The following HNRNPUL2 variants were observed in gnomAD, a reference collection of about 807,000 sequenced individuals.
The protein encoded by HNRNPUL2 is heterogeneous nuclear ribonucleoprotein U-like protein 2.
A neutral mutation model predicts 102.2 loss-of-function variants in HNRNPUL2; 27 were observed. The ratio of observed to expected loss-of-function variants is 0.26; its 90% CI spans 0.19 to 0.36. The LOEUF (loss-of-function observed/expected upper bound fraction) is 0.36. Among genes scored for constraint, HNRNPUL2 ranks in the 10% least tolerant of loss-of-function variants. HNRNPUL2 has a pLI of 1.00. For synonymous variants in HNRNPUL2, 458 were observed against 387.2 expected (o/e 1.18, Z -2.15); for missense variants, 936 against 981.1 (o/e 0.95, Z 0.61).
intron 10 of HNRNPUL2, among the ~76,000 whole-genome samples, chr11:62,719,000 G>T (rs2134772788): frequency 6.6e-6 from 1 of 151,866 alleles, no homozygotes; most frequent in East Asian, 2.0e-4. Flanking sequence ...AATTTTTTTT[G>T]TATTTTTAGT....
At chr11:62,724,556 T>A in intron 1 of HNRNPUL2, 130 bp from the exon 2 acceptor site, 1 of 951,582 alleles carries the variant, frequency 1.1e-6, no homozygotes, top group Admixed American at 2.5e-5. Context: ...CCCACTACAT[T>A]CACATAACAT....
chr11:62,723,815 T>C, intron 3 of HNRNPUL2, 89 bp from the exon 4 acceptor site: 14 of 1,600,986 alleles, frequency 8.7e-6, no homozygotes, highest in Non-Finnish European at 1.2e-5. Context: ...TTGTAGTGGA[T>C]ACAAAGTCTC....
intron 1 of HNRNPUL2, 118 bp from the exon 2 acceptor site, chr11:62,724,544 T>G (rs1296867350): frequency 9.6e-7 from 1 of 1,044,456 alleles, no homozygotes; most frequent in African/African-American, 1.6e-5. Flanking sequence ...AGCCAGGTTA[T>G]TCCCACTACA....
At position 62,722,797 on chromosome 11, in the gene HNRNPUL2, A is replaced by G; in HGVS notation, c.982+16T>C. 1 of 1,613,158 alleles carries G rather than the reference A, an allele frequency of 6.2e-7. No homozygotes were observed. Among genetic ancestry groups the G allele is most frequent in the Non-Finnish European group, 8.5e-7 (1 of 1,179,084 alleles). On this transcript the variant is annotated intron_variant, in intron 5 of 13. Coordinates refer to ENST00000301785, the MANE Select transcript of HNRNPUL2 (RefSeq NM_001079559.3). ...GGTAGTAAACACTAATGAGGAACTT[A>G]AAGAAATAACTTTACCAAGCTGTGG... is the stretch of plus-strand genomic sequence containing the variant.
intron 10 of HNRNPUL2, among the ~76,000 whole-genome samples, chr11:62,718,334 G>A (rs1018626896): frequency 2.0e-5 from 3 of 151,978 alleles, no homozygotes; most frequent in South Asian, 2.1e-4. Context: ...CAAACATAAC[G>A]TGATACCAGA....
chr11:62,723,478 C>A, intron 4 of HNRNPUL2, 109 bp downstream of exon 4: 1 of 1,217,514 alleles, frequency 8.2e-7, no homozygotes, highest in Non-Finnish European at 1.1e-6. Context: ...GTAACAAGAG[C>A]GAAACTCCAT....
chr11:62,712,983 A>C lies in HNRNPUL2; in HGVS notation c.*2316T>G, dbSNP rs2134762463. ...TTTCCCCCTTAACATAGTTTTTCAT[A>C]ATAAAAAGACAGAAACAAAACCCGG... On this transcript the variant is annotated 3_prime_UTR_variant, in exon 14 of 14. Coordinates refer to ENST00000301785, the MANE Select transcript of HNRNPUL2 (RefSeq NM_001079559.3). The C allele has an allele frequency of 6.6e-6, 1 of 152,368 alleles. No individual in the cohort carries two copies. Among genetic ancestry groups the C allele is most frequent in the South Asian group, 2.1e-4 (1 of 4,834 alleles). The allele number at this position is 152,368 out of a possible 1,614,324, so 9.4% of individuals were successfully genotyped here.
chr11:62,724,460 T>G, intron 1 of HNRNPUL2, 34 bp from the exon 2 acceptor site: 1 of 1,613,864 alleles, frequency 6.2e-7, no homozygotes, highest in Non-Finnish European at 8.5e-7. Flanking sequence ...TCAGCAGTTT[T>G]CATACTGGAG....
rs200198970 is a variant in HNRNPUL2, at chr11:62,716,991, T to C, written c.1979A>G (p.Tyr660Cys). ...GCTGGCAGGTCCCCAAGACTCACCA[T>C]AGCCTTGGCCCCGGCTTCGGTTCTG... ...NRQNRSRGQG[Y>C]VGGQRRGYDN... is the part of the protein sequence containing the mutation. The change falls in exon 11 of 14, where the codon TAT becomes TGT. Residue 660 changes from tyrosine to cysteine, a missense_variant and splice_region_variant. Around this residue, in one of 2 missense-constraint regions of HNRNPUL2, gnomAD observed 609 missense variants for 713.0 expected, o/e 0.85. Transcript: ENST00000301785. The C allele has an allele frequency of 3.0e-5, 48 of 1,612,646 alleles. No homozygotes were observed. The highest frequency in any genetic ancestry group is 2.7e-4 in the East Asian group (12 of 44,880).
chr11:62,723,982 G>A lies in HNRNPUL2; in HGVS notation c.683C>T (p.Ser228Phe). 1 of 1,613,194 alleles carries A rather than the reference G, an allele frequency of 6.2e-7. No individual in the cohort carries two copies. Among genetic ancestry groups the A allele is most frequent in the Non-Finnish European group, 8.5e-7 (1 of 1,179,202 alleles). Residue 228 changes from serine (S) to phenylalanine (F), a missense_variant, in exon 3 of 14, where the codon TCT becomes TTT. Transcript: ENST00000301785. ...REEAYHSRSKSPLPPEEEAKD... is the reference protein window; with the variant it reads ...REEAYHSRSKFPLPPEEEAKD... ...TGCCTCTTCTTCAGGAGGCAGTGGA[G>A]ACTTTGAGCTATATATGTAAGATAG...
intron 10 of HNRNPUL2, among the ~76,000 whole-genome samples, chr11:62,719,192 ATAATCTAAGCACTT>A (rs1267014916): frequency 3.9e-5 from 6 of 152,150 alleles, no homozygotes; most frequent in Non-Finnish European, 8.8e-5. Flanking sequence ...GCGTATGCCT[ATAATCTAAGCACTT>A]TAGGAGACCA....
Position 62,715,197 on chromosome 11 carries a change from C to T in HNRNPUL2, c.*102G>A. The stretch of plus-strand genomic sequence containing the variant: ...CACCACCCCTCCCCGGCAGCTCAGC[C>T]CCACCCCGACAGCCCCTGTTTTCCT... On this transcript the variant is annotated 3_prime_UTR_variant, in exon 14 of 14. Transcript: ENST00000301785. The T allele has an allele frequency of 6.1e-6, 3 of 489,950 alleles. 1 individual carries two copies. Among genetic ancestry groups the T allele is most frequent in the South Asian group, 4.5e-5 (2 of 44,130 alleles). 30.4% of individuals were successfully genotyped at this position (489,950 alleles called of 1,614,324 possible).
intron 2 of HNRNPUL2, 72 bp from the exon 3 acceptor site, chr11:62,724,062 CATT>C: frequency 3.1e-6 from 4 of 1,294,364 alleles, no homozygotes; most frequent in African/African-American, 1.5e-5. Flanking sequence ...GTGTGTATGA[CATT>C]ATGTCCATTT....
At chr11:62,724,538 A>G in intron 1 of HNRNPUL2, 112 bp from the exon 2 acceptor site, 1 of 1,156,090 alleles carries the variant, frequency 8.6e-7, no homozygotes, top group Non-Finnish European at 1.3e-6. Context: ...CAAAACAGCC[A>G]GGTTATTCCC....
rs2083755526 is a variant in HNRNPUL2, at chr11:62,726,868, G to A, written c.289C>T (p.Pro97Ser). The A allele has an allele frequency of 6.3e-7, 1 of 1,582,024 alleles. No individual in the cohort carries two copies. Among genetic ancestry groups the A allele is most frequent in the South Asian group, 1.1e-5 (1 of 88,762 alleles). The change falls in exon 1 of 14, where the codon CCA becomes TCA. Residue 97 changes from proline to serine, a missense_variant. This residue lies in a region of HNRNPUL2 where 327 missense variants were observed against 268.1 expected (regional missense o/e 1.22). Coordinates refer to ENST00000301785, the MANE Select transcript of HNRNPUL2 (RefSeq NM_001079559.3). ...TGACCCAAGGCTTGAGCAGGGGGTG[G>A]CTCCTCGTCCTCGTCCTCAAGCAGC... ...EALLEDEDEE[P>S]PPAQALGQAA...
intron 10 of HNRNPUL2, 56 bp downstream of exon 10, chr11:62,719,967 A>T: frequency 6.6e-7 from 1 of 1,514,558 alleles, no homozygotes; most frequent in Non-Finnish European, 9.1e-7. Flanking sequence ...TTACTTACAA[A>T]TTATGAAGTC....
rs770988993 is a variant in HNRNPUL2, at chr11:62,726,920, T to C, written c.237A>G (p.Glu79=). The C allele has an allele frequency of 8.5e-6, 13 of 1,528,236 alleles. No homozygotes were observed. The highest frequency in any genetic ancestry group is 2.4e-5 in the South Asian group (2 of 83,282). The allele number at this position is 1,528,236 out of a possible 1,614,324, so 94.7% of individuals were successfully genotyped here. A position where few individuals can be genotyped will look rare whatever the true frequency, so the allele number is the denominator to read the frequency against. Residue 79 remains glutamate, a synonymous_variant, in exon 1 of 14, where the codon GAA becomes GAG. Coordinates refer to ENST00000301785, the MANE Select transcript of HNRNPUL2 (RefSeq NM_001079559.3). ...GGPGGDEEED[E]EEEEEDEEAL... ...CCTCCTCGTCCTCCTCCTCCTCCTCTTCGTCCTCCTCCTCGTCCCCGCCCG... is the reference window on the plus strand; with the variant it reads ...CCTCCTCGTCCTCCTCCTCCTCCTCCTCGTCCTCCTCCTCGTCCCCGCCCG...
chr11:62,720,326 A>G, intron 9 of HNRNPUL2, 135 bp from the exon 10 acceptor site: 1 of 731,026 alleles, frequency 1.4e-6, no homozygotes, highest in South Asian at 1.7e-5. Flanking sequence ...TGGGCAGATC[A>G]TCTCAGGTCA....
At chr11:62,723,052 G>C in intron 4 of HNRNPUL2, 149 bp from the exon 5 acceptor site, 1 of 649,080 alleles carries the variant, frequency 1.5e-6, no homozygotes, top group Non-Finnish European at 2.7e-6. Flanking sequence ...AAAGCCACAG[G>C]GATCAATTTC....
Sources: allele counts gnomAD v4.1 joint callset (sites outside exome capture counted in the v4.1 genomes callset), GRCh38; gene constraint gnomAD v4.1.1; regional missense constraint gnomAD v4.1.1; transcripts MANE v1.5; gene names NCBI Gene and HGNC (gene_info 2026-07-23, HGNC 2026-07-21).